COL26A1: variants seen among roughly 807,000 people sequenced by gnomAD.
COL26A1 encodes collagen type XXVI alpha 1 chain, also known as collagen alpha-1(XXVI) chain.
COL26A1 carries 41 observed loss-of-function variants against 59.3 expected under a neutral mutation model. The observed-to-expected ratio is 0.69, with a 90% CI of 0.54 to 0.90. COL26A1 has a LOEUF of 0.90. COL26A1 is among the 40% of genes least tolerant of loss of function. The probability of loss-of-function intolerance (pLI) is 0.00; values close to 1 mark genes in which losing one functional copy is unlikely to be tolerated. For missense variants in COL26A1, 612 were observed against 602.3 expected (o/e 1.02, Z -0.17); for synonymous variants, 266 against 256.0 (o/e 1.04, Z -0.37).
At chr7:101,461,874 G>A (rs1793621384) in intron 3 of COL26A1, among the ~76,000 whole-genome samples, 1 of 152,258 alleles carries the variant, frequency 6.6e-6, no homozygotes, top group Middle Eastern at 3.4e-3. Flanking sequence ...GCTGGCAGGG[G>A]TTGCCGGTCC....
intron 3 of COL26A1, among the ~76,000 whole-genome samples, chr7:101,500,083 C>CT (rs1794669842): frequency 6.6e-6 from 1 of 152,136 alleles, no homozygotes; most frequent in Admixed American, 6.5e-5. Context: ...AAACTCCAAA[C>CT]TTGGTTCAGG....
At position 101,501,837 on chromosome 7, in the gene COL26A1, G is replaced by A. The variant is rs555110058; in HGVS notation, c.386-31245G>A. On this transcript the variant is annotated intron_variant, in intron 3 of 12. Transcript: ENST00000313669. ...GACTATGTGTGCAAACACAGGTTGT[G>A]TATACAAACAGCTGAGTTTGTGTGC... 1.4e-4 allele frequency among the ~76,000 whole-genome samples: 21 copies of A among 152,336 alleles called. No homozygotes were observed. The East Asian group carries it at 4.0e-3, about 29-fold the overall frequency.
intron 3 of COL26A1, among the ~76,000 whole-genome samples, chr7:101,490,045 T>C (rs1410032326): frequency 6.6e-6 from 1 of 150,906 alleles, no homozygotes; most frequent in African/African-American, 2.4e-5. Context: ...CCAGTGATTC[T>C]ACTGTCTCAG....
chr7:101,492,068 G>T (rs1455900151), intron 3 of COL26A1, among the ~76,000 whole-genome samples: 1 of 152,114 alleles, frequency 6.6e-6, no homozygotes, highest in Non-Finnish European at 1.5e-5. Flanking sequence ...AGGGCAGGGT[G>T]CTCACCTGGA....
chr7:101,472,432 C>T (rs557555333), intron 3 of COL26A1, among the ~76,000 whole-genome samples: 2 of 152,292 alleles, frequency 1.3e-5, no homozygotes, highest in South Asian at 2.1e-4. Flanking sequence ...CACCCTGTAA[C>T]CAAGAGTGCC....
intron 3 of COL26A1, among the ~76,000 whole-genome samples, chr7:101,455,929 G>C (rs965741225): frequency 2.6e-5 from 4 of 151,554 alleles, no homozygotes; most frequent in African/African-American, 9.7e-5. Context: ...CAGGTGATCC[G>C]CCTGCCTCGG....
chr7:101,432,579 G>T (rs1455236322), intron 2 of COL26A1, among the ~76,000 whole-genome samples: 1 of 152,184 alleles, frequency 6.6e-6, no homozygotes, highest in Non-Finnish European at 1.5e-5. Context: ...TGAGTTGCCT[G>T]CAAGCCATCC....
intron 2 of COL26A1, among the ~76,000 whole-genome samples, chr7:101,427,514 T>A (rs1342275197): frequency 6.6e-6 from 1 of 152,030 alleles, no homozygotes; most frequent in Admixed American, 6.6e-5. Context: ...ATACAAAAAT[T>A]AGTCAGGCAT....
intron 1 of COL26A1, among the ~76,000 whole-genome samples, chr7:101,384,171 G>A (rs1416075785): frequency 6.7e-6 from 1 of 149,384 alleles, no homozygotes; most frequent in Non-Finnish European, 1.5e-5. Context: ...GCGCCACCAT[G>A]CTTGACTAAT....
At chr7:101,547,114 G>A in intron 7 of COL26A1, 42 bp from the exon 8 acceptor site, 1 of 1,447,494 alleles carries the variant, frequency 6.9e-7, no homozygotes, top group Non-Finnish European at 9.4e-7. Flanking sequence ...GCACTGCCAG[G>A]TCTGCCCCAC....
chr7:101,420,367 T>G (rs1792483897), intron 2 of COL26A1, among the ~76,000 whole-genome samples: 1 of 151,680 alleles, frequency 6.6e-6, no homozygotes, highest in Admixed American at 6.6e-5. Context: ...CACAGATGAG[T>G]GGGGTATGGG....
intron 10 of COL26A1, among the ~76,000 whole-genome samples, chr7:101,551,413 C>T (rs1020481061): frequency 2.1e-4 from 32 of 152,264 alleles, no homozygotes; most frequent in Non-Finnish European, 3.5e-4. Flanking sequence ...TTCATTCATG[C>T]GCTGTGTGGC....
chr7:101,428,117 G>T (rs1181136086), intron 2 of COL26A1, among the ~76,000 whole-genome samples: 1 of 152,088 alleles, frequency 6.6e-6, no homozygotes, highest in Non-Finnish European at 1.5e-5. Flanking sequence ...GGGAGTTGGA[G>T]GTGTCAACTT....
At chr7:101,428,655 T>G (rs1248980411) in intron 2 of COL26A1, among the ~76,000 whole-genome samples, 1 of 152,018 alleles carries the variant, frequency 6.6e-6, no homozygotes, top group Non-Finnish European at 1.5e-5. Context: ...GTTTTTGCAG[T>G]CTTTTGTGGT....
intron 1 of COL26A1, among the ~76,000 whole-genome samples, chr7:101,394,691 G>A (rs958152399): frequency 6.8e-6 from 1 of 147,670 alleles, no homozygotes; most frequent in East Asian, 2.0e-4. Context: ...CCAAAGTGCT[G>A]GGATTACAGG....
intron 1 of COL26A1, among the ~76,000 whole-genome samples, chr7:101,372,612 T>G (rs1791220765): frequency 6.6e-6 from 1 of 152,198 alleles, no homozygotes; most frequent in Non-Finnish European, 1.5e-5. Flanking sequence ...AGGCAGTGAC[T>G]GGGGCATTCT....
chr7:101,546,732 G>T (rs953514415), intron 7 of COL26A1, among the ~76,000 whole-genome samples: 2 of 152,118 alleles, frequency 1.3e-5, no homozygotes, highest in Admixed American at 1.3e-4. Context: ...CAGTGTGGTC[G>T]CCATGATGTA....
At chr7:101,392,101 C>T (rs917367994) in intron 1 of COL26A1, among the ~76,000 whole-genome samples, 1 of 152,094 alleles carries the variant, frequency 6.6e-6, no homozygotes, top group Non-Finnish European at 1.5e-5. Flanking sequence ...TCAGTGGATG[C>T]AAATGGCTAA....
intron 1 of COL26A1, among the ~76,000 whole-genome samples, chr7:101,387,372 C>G (rs980918706): frequency 9.2e-6 from 1 of 108,160 alleles, no homozygotes; most frequent in African/African-American, 3.1e-5. Flanking sequence ...ACCCGACACA[C>G]TGAAAAAAAA....
Sources: allele counts gnomAD v4.1 joint callset (sites outside exome capture counted in the v4.1 genomes callset), GRCh38; gene constraint gnomAD v4.1.1; transcripts MANE v1.5; gene names NCBI Gene and HGNC (gene_info 2026-07-23, HGNC 2026-07-21).